KCNH5: variants seen among roughly 807,000 people sequenced by gnomAD.
The protein encoded by KCNH5 is voltage-gated delayed rectifier potassium channel KCNH5.
Under a neutral mutation model 96.1 loss-of-function variants are expected in KCNH5, and 46 were observed. That is an observed-to-expected ratio of 0.48 (90% confidence interval 0.38 to 0.61). The LOEUF (loss-of-function observed/expected upper bound fraction) is 0.61. KCNH5 is among the 20% of genes least tolerant of loss of function. The pLI, the probability that KCNH5 is intolerant of heterozygous loss-of-function variation, is 0.00. For missense variants in KCNH5, 907 were observed against 1,225.8 expected, an observed-to-expected ratio of 0.74 and a Z score of 3.88; for synonymous variants, 439 against 449.8, an observed-to-expected ratio of 0.98 and a Z score of 0.30.
chr14:62,925,750 C>A (rs915183443), intron 7 of KCNH5, among the ~76,000 whole-genome samples: 3 of 151,984 alleles, frequency 2.0e-5, no homozygotes, highest in African/African-American at 4.8e-5. Flanking sequence ...TGTAATCAAG[C>A]CTTGTAGACA....
At chr14:62,995,883 A>G (rs564693812) in intron 4 of KCNH5, among the ~76,000 whole-genome samples, 3 of 152,198 alleles carry the variant, frequency 2.0e-5, no homozygotes, top group African/African-American at 7.2e-5. Flanking sequence ...CCTGTACCAT[A>G]TTCCCAATTT....
intron 8 of KCNH5, among the ~76,000 whole-genome samples, chr14:62,804,795 C>A (rs1472716305): frequency 6.6e-6 from 1 of 152,080 alleles, no homozygotes; most frequent in Non-Finnish European, 1.5e-5. Context: ...TGAGTTGAGC[C>A]TAGTTTAGCC....
chr14:62,755,018 A>G (rs950560411), intron 10 of KCNH5, among the ~76,000 whole-genome samples: 4 of 151,740 alleles, frequency 2.6e-5, no homozygotes, highest in African/African-American at 7.2e-5. Flanking sequence ...CAAGCTTCCC[A>G]TAAACAACCT....
intron 10 of KCNH5, among the ~76,000 whole-genome samples, chr14:62,716,050 G>A (rs1267411280): frequency 2.0e-5 from 3 of 152,030 alleles, no homozygotes; most frequent in African/African-American, 7.3e-5. Flanking sequence ...CAATTCTTCA[G>A]GCTATCATAA....
In KCNH5 at chr14:63,016,898, T is replaced by C. The variant is rs1891337118; in HGVS notation, c.130A>G (p.Asn44Asp). 1.2e-6 allele frequency: 2 copies of C among 1,610,546 alleles called. No homozygotes were observed. Among genetic ancestry groups the C allele is most frequent in the Non-Finnish European group, 1.7e-6 (2 of 1,177,970 alleles). ...CCAGAGAGTTTACAAAAACCGTCAT[T>C]ACTATAAACTACAGGCCAATCCACA... ...QIVDWPVVYS[N>D]DGFCKLSGYH... is the part of the protein sequence containing the mutation. Residue 44 changes from asparagine (N) to aspartate (D), a missense_variant, in exon 2 of 11, where the codon AAT (asparagine) becomes GAT (aspartate). By Grantham distance (23) the Asn-to-Asp change is conservative. Coordinates refer to ENST00000322893, the MANE Select transcript of KCNH5 (RefSeq NM_139318.5).
chr14:62,977,845 G>A (rs1177507110), intron 6 of KCNH5, among the ~76,000 whole-genome samples: 1 of 152,102 alleles, frequency 6.6e-6, no homozygotes, highest in African/African-American at 2.4e-5. Flanking sequence ...GGGGAGGAGG[G>A]GAACACGAAG....
intron 9 of KCNH5, among the ~76,000 whole-genome samples, chr14:62,794,942 T>C (rs972142516): frequency 1.3e-5 from 2 of 152,148 alleles, no homozygotes; most frequent in Non-Finnish European, 2.9e-5. Flanking sequence ...TTTCTTATTA[T>C]GGTCAACAAG....
At position 62,956,543 on chromosome 14, in the gene KCNH5, T is replaced by C. The variant is rs372144738; in HGVS notation, c.943-5984A>G. ...AAAAATGTTATGGAAAACCTAATAG[T>C]CACTGATGTGTTATTAAGCTAACAT... On this transcript the variant is annotated intron_variant, in intron 6 of 10. Coordinates refer to ENST00000322893, the MANE Select transcript of KCNH5 (RefSeq NM_139318.5). Among the ~76,000 whole-genome samples the C allele has an allele frequency of 3.9e-4, 58 of 148,102 alleles. 3 individuals carry two copies. The South Asian group carries it at 6.0e-3, about 15-fold the overall frequency.
intron 10 of KCNH5, among the ~76,000 whole-genome samples, chr14:62,762,528 T>A (rs1885773871): frequency 6.6e-6 from 1 of 152,014 alleles, no homozygotes; most frequent in African/African-American, 2.4e-5. Context: ...ACCCCACCAC[T>A]TTGTTGGTGC....
At position 62,908,782 on chromosome 14, in the gene KCNH5, A is replaced by ACT. The variant is rs71451284; in HGVS notation, c.1369+41350_1369+41351insAG. Among the ~76,000 whole-genome samples, 127 of 23,724 alleles carry ACT rather than the reference A, an allele frequency of 5.4e-3. 1 individual carries two copies. The highest frequency in any genetic ancestry group is 0.021 in the African/African-American group (114 of 5,544). The allele number at this position is 23,724 out of a possible 152,430, so 15.6% of individuals were successfully genotyped here. A position where few individuals can be genotyped will look rare whatever the true frequency, so the allele number is the denominator to read the frequency against. On this transcript the variant is annotated intron_variant, in intron 7 of 10. Transcript: ENST00000322893. ...TTGCCCTTTGTTGATTTTGCTTTGTATTTTTTTTTTTTTTTTTTTTTTTTT... is the reference window on the plus strand; with the variant it reads ...TTGCCCTTTGTTGATTTTGCTTTGTACTTTTTTTTTTTTTTTTTTTTTTTTTT...
At chr14:62,717,997 T>A (rs1884721984) in intron 10 of KCNH5, among the ~76,000 whole-genome samples, 1 of 152,164 alleles carries the variant, frequency 6.6e-6, no homozygotes, top group African/African-American at 2.4e-5. Context: ...GAAGCCATTA[T>A]CCTAAATTAA....
chr14:62,885,502 A>C (rs985743786), intron 7 of KCNH5, among the ~76,000 whole-genome samples: 6 of 152,250 alleles, frequency 3.9e-5, no homozygotes, highest in Non-Finnish European at 2.9e-5. Flanking sequence ...ATTCTCCTAC[A>C]TACCATACTT....
intron 10 of KCNH5, among the ~76,000 whole-genome samples, chr14:62,723,271 A>G (rs1884854499): frequency 1.3e-5 from 2 of 152,208 alleles, no homozygotes; most frequent in African/African-American, 4.8e-5. Flanking sequence ...TTAATATCAC[A>G]CACATGCATA....
intron 6 of KCNH5, among the ~76,000 whole-genome samples, chr14:62,967,047 C>T (rs988722557): frequency 6.6e-6 from 1 of 152,116 alleles, no homozygotes; most frequent in Non-Finnish European, 1.5e-5. Context: ...CTTTTGACAG[C>T]CTCATGCTCT....
At chr14:62,881,545 G>A (rs771294373) in intron 7 of KCNH5, among the ~76,000 whole-genome samples, 25 of 152,068 alleles carry the variant, frequency 1.6e-4, no homozygotes, top group Non-Finnish European at 3.5e-4. Flanking sequence ...TAATACGTGG[G>A]TGATGAAATA....
intron 10 of KCNH5, among the ~76,000 whole-genome samples, chr14:62,746,893 A>G (rs7151907): frequency 0.51 from 77,328 of 152,084 alleles, 20,537 homozygotes; most frequent in South Asian, 0.64. Context: ...TCTTTCACAA[A>G]CAGATAAATT....
At chr14:62,951,295 G>A (rs1466935283) in intron 6 of KCNH5, among the ~76,000 whole-genome samples, 1 of 152,064 alleles carries the variant, frequency 6.6e-6, no homozygotes. Context: ...AACAAATAAG[G>A]GATTATCCAA....
intron 7 of KCNH5, among the ~76,000 whole-genome samples, chr14:62,912,685 C>T (rs1298574010): frequency 8.5e-5 from 13 of 152,114 alleles, no homozygotes; most frequent in African/African-American, 3.1e-4. Context: ...GGACTACAGG[C>T]GTGAGCCACC....
At chr14:62,822,010 C>T (rs1463279807) in intron 8 of KCNH5, among the ~76,000 whole-genome samples, 9 of 152,020 alleles carry the variant, frequency 5.9e-5, no homozygotes, top group Non-Finnish European at 1.3e-4. Flanking sequence ...AAGTTAAAAA[C>T]ACAATAACAT....
Sources: allele counts gnomAD v4.1 joint callset (sites outside exome capture counted in the v4.1 genomes callset), GRCh38; gene constraint gnomAD v4.1.1; transcripts MANE v1.5; gene names NCBI Gene and HGNC (gene_info 2026-07-23, HGNC 2026-07-21).